STAB2: variants seen among roughly 807,000 people sequenced by gnomAD.
STAB2 encodes stabilin 2.
Under a neutral mutation model 338.1 loss-of-function variants are expected in STAB2, and 288 were observed. That is an observed-to-expected ratio of 0.85 (90% CI 0.77 to 0.94). The LOEUF (loss-of-function observed/expected upper bound fraction) is 0.94. Among genes scored for constraint, STAB2 ranks in the 40% least tolerant of loss-of-function variants. The pLI is 0.00. For missense variants in STAB2, 3,141 were observed against 3,210.1 expected, an observed-to-expected ratio of 0.98 and a Z score of 0.52; for synonymous variants, 1,202 against 1,193.3, an observed-to-expected ratio of 1.01 and a Z score of -0.15.
In STAB2 at chr12:103,685,461, C is replaced by T. The variant is rs78585269; in HGVS notation, c.2997+377C>T. On this transcript the variant is annotated intron_variant, in intron 27 of 68. Coordinates refer to ENST00000388887, the MANE Select transcript of STAB2 (RefSeq NM_017564.10). ...GTGTGTGTGTGTGTGTGTGCGCGTG[C>T]GTGTGTGTGTGCGTGCGCGCATGTG... is the stretch of plus-strand genomic sequence containing the variant. 2.2e-3 allele frequency among the ~76,000 whole-genome samples: 243 copies of T among 108,128 alleles called. No individual in the cohort carries two copies. In the East Asian group the frequency reaches 0.024, roughly 11 times the overall value. 70.9% of individuals were successfully genotyped at this position (108,128 alleles called of 152,430 possible).
At position 103,609,117 on chromosome 12, in the gene STAB2, G is replaced by T. The variant is rs1183689565; in HGVS notation, c.332-11351G>T. Among the ~76,000 whole-genome samples the T allele has an allele frequency of 2.0e-5, 3 of 152,184 alleles. No homozygotes were observed. The East Asian group carries it at 5.8e-4, about 29-fold the overall frequency. On this transcript the variant is annotated intron_variant, in intron 3 of 68. Transcript: ENST00000388887. ...TTGTAGTATAGTTTGAAGTCAGGTA[G>T]TGTGATGCCTCCGGCTTTGTTCTTT...
Position 103,746,702 on chromosome 12 carries a change from C to T in STAB2, c.6242C>T (p.Thr2081Ile). 3.1e-6 allele frequency: 5 copies of T among 1,613,528 alleles called. No individual in the cohort carries two copies. Among genetic ancestry groups the T allele is most frequent in the Non-Finnish European group, 4.2e-6 (5 of 1,179,726 alleles). ...LDYEGDGITC[T>I]VVDFCKQDNG... The stretch of plus-strand genomic sequence containing the variant: ...TATGAAGGTGACGGAATCACATGCA[C>T]AGGTAAGCCACCTTTGTGCACAGGT... Residue 2081 changes from threonine to isoleucine, a missense_variant and splice_region_variant, in exon 58 of 69, where the codon ACA becomes ATA. Physicochemically the swap from Thr to Ile is moderately conservative, Grantham distance 89. Transcript: ENST00000388887.
intron 30 of STAB2, 127 bp downstream of exon 30, chr12:103,690,665 G>A (rs533895428): frequency 1.4e-6 from 1 of 715,106 alleles, no homozygotes; most frequent in African/African-American, 1.8e-5. Flanking sequence ...AATCCCTCAT[G>A]TGGGCATCAC....
In STAB2 at chr12:103,670,667, T is replaced by C. The variant is rs369805667; in HGVS notation, c.2260-29T>C. ...AACACCTGAGAACTATGTGTCCTAA[T>C]GGCCCATGGGCCCTGCCTTTGCTCC... is the stretch of plus-strand genomic sequence containing the variant. On this transcript the variant is annotated intron_variant, in intron 21 of 68. Coordinates refer to ENST00000388887, the MANE Select transcript of STAB2 (RefSeq NM_017564.10). 9.6e-4 allele frequency: 1,500 copies of C among 1,568,450 alleles called. 1 individual carries two copies. Among genetic ancestry groups the C allele is most frequent in the Non-Finnish European group, 9.1e-4 (1,043 of 1,139,992 alleles).
intron 3 of STAB2, among the ~76,000 whole-genome samples, chr12:103,607,829 T>G (rs1957055917): frequency 6.6e-6 from 1 of 152,222 alleles, no homozygotes; most frequent in Non-Finnish European, 1.5e-5. Context: ...CTATTGTGAA[T>G]AGTGCCGCAA....
chr12:103,637,681 G>A (rs1420091258), intron 7 of STAB2, among the ~76,000 whole-genome samples: 1 of 152,138 alleles, frequency 6.6e-6, no homozygotes, highest in Admixed American at 6.5e-5. Context: ...TACTTTCAGG[G>A]ATTATTGTAA....
intron 52 of STAB2, among the ~76,000 whole-genome samples, chr12:103,737,203 G>GT (rs1339765927): frequency 6.6e-6 from 1 of 152,150 alleles, no homozygotes; most frequent in Non-Finnish European, 1.5e-5. Flanking sequence ...CACTGCTGAC[G>GT]TTTCTCCTTT....
intron 56 of STAB2, among the ~76,000 whole-genome samples, chr12:103,743,012 A>C (rs1024173124): frequency 7.3e-6 from 1 of 136,500 alleles, no homozygotes; most frequent in Non-Finnish European, 1.5e-5. Flanking sequence ...AAGAGCCAGC[A>C]ATTTTTTTTT....
chr12:103,756,998 T>C (rs201296893), intron 63 of STAB2, among the ~76,000 whole-genome samples: 1 of 14,508 alleles, frequency 6.9e-5, no homozygotes, highest in Non-Finnish European at 1.4e-4. Flanking sequence ...GGAGGGAAAA[T>C]ATATATATAT....
chr12:103,687,197 T>C (rs703648), intron 27 of STAB2, among the ~76,000 whole-genome samples: 149,258 of 152,274 alleles, frequency 0.98, 73,165 homozygotes, highest in East Asian at 1. Context: ...TGGAGCAAGG[T>C]TTCACCATAT....
At chr12:103,601,692 T>C (rs1956957035) in intron 3 of STAB2, among the ~76,000 whole-genome samples, 1 of 152,202 alleles carries the variant, frequency 6.6e-6, no homozygotes, top group African/African-American at 2.4e-5. Context: ...AAGAAATGCC[T>C]CCTGAACATT....
intron 3 of STAB2, among the ~76,000 whole-genome samples, chr12:103,611,801 G>A (rs1195872310): frequency 6.6e-6 from 1 of 152,130 alleles, no homozygotes; most frequent in Non-Finnish European, 1.5e-5. Flanking sequence ...TTACGATTTG[G>A]CATGTTTTTG....
In STAB2 at chr12:103,590,898, CAAG is replaced by C. The variant is rs757285199; in HGVS notation, c.88_90del (p.Arg30del). The C allele has an allele frequency of 6.2e-7, 1 of 1,614,008 alleles. No homozygotes were observed. The highest frequency in any genetic ancestry group is 1.7e-5 in the Admixed American group (1 of 60,012). On this transcript the variant is annotated inframe_deletion and splice_region_variant, in exon 2 of 69. Coordinates refer to ENST00000388887, the MANE Select transcript of STAB2 (RefSeq NM_017564.10). ...TTCTTTTTTTTAATATTTACACAGG[CAAG>C]AAGATGTGATAGGAAGTCTCTTCTT...
chr12:103,722,923 C>T (rs192334083), intron 44 of STAB2, among the ~76,000 whole-genome samples: 77 of 152,186 alleles, frequency 5.1e-4, no homozygotes, highest in African/African-American at 1.7e-3. Flanking sequence ...GACGTAGTGT[C>T]GGTCAGTATA....
chr12:103,689,113 T>C (rs182795074), intron 28 of STAB2, among the ~76,000 whole-genome samples: 20 of 152,256 alleles, frequency 1.3e-4, no homozygotes, highest in Non-Finnish European at 2.8e-4. Flanking sequence ...AAGGTTTTAT[T>C]TCAGCCCTCT....
chr12:103,615,439 C>A (rs1397059403), intron 3 of STAB2, among the ~76,000 whole-genome samples: 1 of 152,152 alleles, frequency 6.6e-6, no homozygotes, highest in African/African-American at 2.4e-5. Context: ...GCCAAAATCA[C>A]CCACAGAGGA....
At position 103,638,078 on chromosome 12, in the gene STAB2, A is replaced by G. The variant is rs1825554569; in HGVS notation, c.772A>G (p.Asn258Asp). ...PHAHCTYLGPNRHSCTCQEGY... is the reference protein window; with the variant it reads ...PHAHCTYLGPDRHSCTCQEGY... Reference sequence around the variant, plus strand: ...TGCTCATTGTACGTACCTGGGACCAAATCGGCACAGTTGTACATGCCAAGA... The same window carrying G: ...TGCTCATTGTACGTACCTGGGACCAGATCGGCACAGTTGTACATGCCAAGA... Residue 258 changes from asparagine to aspartate, a missense_variant, in exon 8 of 69, where the codon AAT becomes GAT. Asn to Asp is a conservative substitution (Grantham distance 23). Coordinates refer to ENST00000388887, the MANE Select transcript of STAB2 (RefSeq NM_017564.10). 6.2e-7 allele frequency: 1 copy of G among 1,614,072 alleles called. No homozygotes were observed. Among genetic ancestry groups the G allele is most frequent in the African/African-American group, 1.3e-5 (1 of 74,932 alleles).
chr12:103,763,334 T>C (rs1884681168), intron 67 of STAB2, 158 bp from the exon 68 acceptor site: 4 of 648,366 alleles, frequency 6.2e-6, no homozygotes, highest in Non-Finnish European at 8.3e-6. Context: ...ATCTAAAGGT[T>C]GGTAAATTTT....
chr12:103,765,101 A>C (rs941832350), intron 68 of STAB2, among the ~76,000 whole-genome samples: 5 of 151,728 alleles, frequency 3.3e-5, no homozygotes, highest in African/African-American at 7.3e-5. Context: ...AAAAAAAAAA[A>C]AAAAAAAAAA....
Sources: allele counts gnomAD v4.1 joint callset (sites outside exome capture counted in the v4.1 genomes callset), GRCh38; gene constraint gnomAD v4.1.1; transcripts MANE v1.5; gene names NCBI Gene and HGNC (gene_info 2026-07-23, HGNC 2026-07-21).